GRID2: variants seen among roughly 807,000 people sequenced by gnomAD.
The protein encoded by GRID2 is glutamate ionotropic receptor delta type subunit 2, also known as glutamate receptor ionotropic, delta-2.
A neutral mutation model predicts 114.8 loss-of-function variants in GRID2; 33 were observed. The ratio of observed to expected loss-of-function variants is 0.29; its 90% CI spans 0.22 to 0.38. The LOEUF (loss-of-function observed/expected upper bound fraction) is 0.38, where lower values mean the gene tolerates loss of function less well. Ranked by LOEUF, GRID2 falls within the 10% of genes least tolerant of loss-of-function variation. The pLI is 1.00. For missense variants in GRID2, 1,184 were observed against 1,257.7 expected, an observed-to-expected ratio of 0.94 and a Z score of 0.89; for synonymous variants, 505 against 449.9, an observed-to-expected ratio of 1.12 and a Z score of -1.55.
rs541934134 is a variant in GRID2 at position 93,422,064 on chromosome 4, C to T, written c.1348-707C>T. Among the ~76,000 whole-genome samples, 4 of 152,136 alleles carry T rather than the reference C, an allele frequency of 2.6e-5. 1 individual carries two copies. In the South Asian group the frequency reaches 6.2e-4, roughly 24 times the overall value. ...CAAATCAATCGAGCTTTCTTAACAC[C>T]AGGTGTTCTCAGAAGTGAAAGGGGC... On this transcript the variant is annotated intron_variant, in intron 9 of 15. Coordinates refer to ENST00000282020, the MANE Select transcript of GRID2 (RefSeq NM_001510.4).
intron 2 of GRID2, among the ~76,000 whole-genome samples, chr4:93,044,802 A>T (rs551681629): frequency 5.8e-4 from 89 of 152,286 alleles, no homozygotes; most frequent in African/African-American, 2.1e-3. Context: ...GCTTCAGGAC[A>T]TTTGTGATCA....
intron 2 of GRID2, among the ~76,000 whole-genome samples, chr4:93,056,341 A>ATCAT (rs1727243359): frequency 6.6e-6 from 1 of 151,932 alleles, no homozygotes; most frequent in African/African-American, 2.4e-5. Context: ...AACCACACTG[A>ATCAT]TCATTCACTT....
At chr4:93,446,102 G>A (rs1286658442) in intron 10 of GRID2, among the ~76,000 whole-genome samples, 2 of 151,966 alleles carry the variant, frequency 1.3e-5, no homozygotes, top group Non-Finnish European at 2.9e-5. Flanking sequence ...TAGCTCAGCA[G>A]GAAGCATAAT....
At chr4:93,231,030 G>A (rs1561017018) in intron 7 of GRID2, among the ~76,000 whole-genome samples, 2 of 151,916 alleles carry the variant, frequency 1.3e-5, no homozygotes, top group African/African-American at 4.8e-5. Context: ...AGCTGTTCTG[G>A]AAAAAAGTAG....
In GRID2 at chr4:92,973,686, A is replaced by G. The variant is rs1204087472; in HGVS notation, c.245-111309A>G. On this transcript the variant is annotated intron_variant, in intron 2 of 15. Transcript: ENST00000282020. ...TGAAAGTGGAGATAATTTATTTTATAAGGTAAACTGTGATAATTAGTTACT... is the reference window on the plus strand; with the variant it reads ...TGAAAGTGGAGATAATTTATTTTATGAGGTAAACTGTGATAATTAGTTACT... 3.3e-5 allele frequency among the ~76,000 whole-genome samples: 5 copies of G among 152,336 alleles called. No individual in the cohort carries two copies. The South Asian group carries it at 1.0e-3, about 32-fold the overall frequency.
chr4:93,182,016 T>C (rs1296159359), intron 4 of GRID2, among the ~76,000 whole-genome samples: 2 of 152,190 alleles, frequency 1.3e-5, no homozygotes, highest in African/African-American at 4.8e-5. Context: ...CACAAGTGTT[T>C]AAGAAACTTC....
At chr4:92,817,495 C>T (rs1278189371) in intron 2 of GRID2, among the ~76,000 whole-genome samples, 1 of 152,106 alleles carries the variant, frequency 6.6e-6, no homozygotes, top group Admixed American at 6.6e-5. Context: ...CTAGCCATAT[C>T]TCTCATAAGG....
intron 2 of GRID2, among the ~76,000 whole-genome samples, chr4:92,739,341 C>T (rs1490561149): frequency 2.0e-5 from 3 of 151,996 alleles, no homozygotes; most frequent in African/African-American, 4.8e-5. Flanking sequence ...CATGTTTAGC[C>T]TTTTGACAAA....
chr4:92,971,628 C>T (rs1393381539), intron 2 of GRID2, among the ~76,000 whole-genome samples: 2 of 152,016 alleles, frequency 1.3e-5, no homozygotes, highest in African/African-American at 2.4e-5. Flanking sequence ...CTACAGAACA[C>T]TTGAATTTAT....
rs566965616 is a variant in GRID2 at position 93,552,897 on chromosome 4, C to T, written c.2193+37486C>T. Among the ~76,000 whole-genome samples the T allele has an allele frequency of 3.4e-5, 5 of 146,352 alleles. No individual in the cohort carries two copies. The East Asian group carries it at 1.0e-3, about 30-fold the overall frequency. ...GAACATATGGTGTTTGGTTTTCTGT[C>T]CTTGTAATATTTTGCTGAGAGTGAT... On this transcript the variant is annotated intron_variant, in intron 13 of 15. Transcript: ENST00000282020.
intron 8 of GRID2, among the ~76,000 whole-genome samples, chr4:93,316,276 A>AACGAAAG (rs1756582550): frequency 1.7e-5 from 1 of 57,324 alleles, no homozygotes; most frequent in Non-Finnish European, 3.5e-5. Context: ...AGAAAGAAAG[A>AACGAAAG]AAAGAACGAA....
chr4:92,602,911 C>T (rs142512340), intron 2 of GRID2, among the ~76,000 whole-genome samples: 278 of 152,196 alleles, frequency 1.8e-3, no homozygotes, highest in African/African-American at 6.4e-3. Flanking sequence ...ACACAAACAA[C>T]AGACAAGCAG....
chr4:93,294,534 A>G, intron 8 of GRID2, among the ~76,000 whole-genome samples: 1 of 152,268 alleles, frequency 6.6e-6, no homozygotes, highest in Non-Finnish European at 1.5e-5. Flanking sequence ...TGCAATAAGT[A>G]AAATATTATG....
chr4:92,763,734 A>G (rs1315241211), intron 2 of GRID2, among the ~76,000 whole-genome samples: 1 of 152,170 alleles, frequency 6.6e-6, no homozygotes, highest in Non-Finnish European at 1.5e-5. Flanking sequence ...AGTTAGCTAT[A>G]GGGTTATTTG....
chr4:93,235,709 T>C (rs189341500), intron 7 of GRID2, among the ~76,000 whole-genome samples: 13 of 152,206 alleles, frequency 8.5e-5, no homozygotes, highest in Admixed American at 8.5e-4. Context: ...AATCACAAAG[T>C]CATAAAGTTG....
In GRID2 at chr4:93,163,478, G is replaced by T. The variant is rs1400476576; in HGVS notation, c.736-43926G>T. Among the ~76,000 whole-genome samples the T allele has an allele frequency of 2.1e-5, 3 of 144,830 alleles. No homozygotes were observed. In the Admixed American group the frequency reaches 2.1e-4, roughly 10 times the overall value. ...GAGGTCTTGCCATCTTGCCCAGGCTGGTCTCAAACTCCTGGGCTCAAGTGA... is the reference window on the plus strand; with the variant it reads ...GAGGTCTTGCCATCTTGCCCAGGCTTGTCTCAAACTCCTGGGCTCAAGTGA... On this transcript the variant is annotated intron_variant, in intron 4 of 15. Coordinates refer to ENST00000282020, the MANE Select transcript of GRID2 (RefSeq NM_001510.4).
intron 13 of GRID2, among the ~76,000 whole-genome samples, chr4:93,585,481 T>C (rs1236160628): frequency 6.6e-6 from 1 of 152,108 alleles, no homozygotes; most frequent in African/African-American, 2.4e-5. Flanking sequence ...CACAAAGTGA[T>C]GTGGATGGTC....
At chr4:92,593,418 T>C (rs1430731228) in intron 2 of GRID2, among the ~76,000 whole-genome samples, 1 of 152,060 alleles carries the variant, frequency 6.6e-6, no homozygotes, top group Admixed American at 6.6e-5. Context: ...GAGAGAGGAA[T>C]TCAGTGACAG....
At chr4:92,738,298 A>G (rs1736701114) in intron 2 of GRID2, among the ~76,000 whole-genome samples, 3 of 152,098 alleles carry the variant, frequency 2.0e-5, no homozygotes, top group African/African-American at 7.2e-5. Context: ...GTCACTTGAT[A>G]GTACTTGTTC....
Sources: gnomAD v4.1 joint callset for allele counts (sites outside exome capture counted in the v4.1 genomes callset) on GRCh38, gnomAD v4.1.1 for gene constraint, MANE v1.5 for transcripts, NCBI Gene and HGNC (gene_info 2026-07-23, HGNC 2026-07-21) for gene names.